PLEKHA2: variants seen among roughly 807,000 people sequenced by gnomAD.
The protein encoded by PLEKHA2 is pleckstrin homology domain-containing family A member 2.
In PLEKHA2, 28 loss-of-function variants were observed where a neutral mutation model predicts 53.2. The ratio of observed to expected loss-of-function variants is 0.53; its 90% CI spans 0.39 to 0.72. The LOEUF is 0.72. Among genes scored for constraint, PLEKHA2 ranks in the 30% least tolerant of loss-of-function variants. PLEKHA2 has a pLI of 0.00. For missense variants in PLEKHA2, 426 were observed against 537.9 expected, an observed-to-expected ratio of 0.79 and a Z score of 2.06; for synonymous variants, 193 against 196.4, an observed-to-expected ratio of 0.98 and a Z score of 0.14.
chr8:38,926,830 G>A (rs1441404917), intron 2 of PLEKHA2, among the ~76,000 whole-genome samples: 1 of 152,098 alleles, frequency 6.6e-6, no homozygotes, highest in African/African-American at 2.4e-5. Context: ...CAGGAGAATC[G>A]CTTGAACCCG....
chr8:38,966,552 T>G, intron 10 of PLEKHA2, among the ~76,000 whole-genome samples: 1 of 152,198 alleles, frequency 6.6e-6, no homozygotes, highest in East Asian at 1.9e-4. Flanking sequence ...TCTGTTCACT[T>G]GAACTCAACC....
At chr8:38,939,007 G>A (rs1588256410) in intron 3 of PLEKHA2, among the ~76,000 whole-genome samples, 1 of 151,782 alleles carries the variant, frequency 6.6e-6, no homozygotes, top group African/African-American at 2.4e-5. Context: ...GGGTTCAAGC[G>A]ATTGTTCTGC....
At chr8:38,924,555 T>G (rs1188179075) in intron 2 of PLEKHA2, among the ~76,000 whole-genome samples, 1 of 152,146 alleles carries the variant, frequency 6.6e-6, no homozygotes, top group African/African-American at 2.4e-5. Flanking sequence ...CAGCCTTGTC[T>G]CAGGGAGCTG....
chr8:38,901,802 G>GA (rs1833790198), intron 1 of PLEKHA2: 1 of 152,186 alleles, frequency 6.6e-6, no homozygotes, highest in Admixed American at 6.5e-5. Context: ...TTGCAGCAGC[G>GA]AAACTTCTCT....
chr8:38,955,088 G>A (rs867759599), intron 9 of PLEKHA2, among the ~76,000 whole-genome samples: 118 of 152,218 alleles, frequency 7.8e-4, no homozygotes, highest in African/African-American at 2.8e-3. Flanking sequence ...TCGTTTTGGG[G>A]GAACAGGTGG....
intron 10 of PLEKHA2, among the ~76,000 whole-genome samples, chr8:38,959,975 GT>G (rs1433707439): frequency 1.3e-5 from 2 of 152,212 alleles, no homozygotes; most frequent in East Asian, 3.8e-4. Flanking sequence ...TGCTTGGCAT[GT>G]TGCTGACACT....
At chr8:38,968,040 C>A (rs530381794) in intron 10 of PLEKHA2, among the ~76,000 whole-genome samples, 19 of 152,074 alleles carry the variant, frequency 1.2e-4, no homozygotes, top group Non-Finnish European at 2.2e-4. Flanking sequence ...CAAAGCGACC[C>A]AGTAGCTTGT....
intron 10 of PLEKHA2, among the ~76,000 whole-genome samples, chr8:38,967,711 G>A (rs1246600161): frequency 6.6e-6 from 1 of 151,376 alleles, no homozygotes; most frequent in Non-Finnish European, 1.5e-5. Context: ...ACCCAGACTG[G>A]AGTGCAGTGG....
chr8:38,928,600 G>C (rs1834331470), intron 2 of PLEKHA2, among the ~76,000 whole-genome samples: 1 of 152,116 alleles, frequency 6.6e-6, no homozygotes, highest in South Asian at 2.1e-4. Flanking sequence ...GAAATAAAGG[G>C]AATGGGGGTG....
At chr8:38,961,393 G>A (rs775464438) in intron 10 of PLEKHA2, among the ~76,000 whole-genome samples, 28 of 151,984 alleles carry the variant, frequency 1.8e-4, no homozygotes, top group Non-Finnish European at 3.5e-4. Flanking sequence ...AAAAATTAGC[G>A]GGGTGTGGTG....
intron 2 of PLEKHA2, among the ~76,000 whole-genome samples, chr8:38,919,941 C>T (rs1465484122): frequency 1.3e-5 from 2 of 152,082 alleles, no homozygotes; most frequent in African/African-American, 4.8e-5. Context: ...TCAGGCCCTG[C>T]GATATCATTT....
At chr8:38,948,055 C>T (rs924905508) in intron 5 of PLEKHA2, among the ~76,000 whole-genome samples, 7 of 148,430 alleles carry the variant, frequency 4.7e-5, no homozygotes, top group Non-Finnish European at 8.9e-5. Flanking sequence ...CACTGCACTC[C>T]AGCCTGGGCG....
At chr8:38,967,140 T>G (rs1459618277) in intron 10 of PLEKHA2, among the ~76,000 whole-genome samples, 1 of 152,192 alleles carries the variant, frequency 6.6e-6, no homozygotes, top group Non-Finnish European at 1.5e-5. Context: ...TATAGATGAG[T>G]AGTATTCCAT....
intron 1 of PLEKHA2, among the ~76,000 whole-genome samples, chr8:38,904,048 C>G (rs1254062887): frequency 6.6e-6 from 1 of 152,132 alleles, no homozygotes; most frequent in African/African-American, 2.4e-5. Flanking sequence ...GAGAAGAACC[C>G]TGGCCCTGCC....
intron 2 of PLEKHA2, among the ~76,000 whole-genome samples, chr8:38,925,877 A>C (rs1834279188): frequency 6.6e-6 from 1 of 152,278 alleles, no homozygotes; most frequent in Admixed American, 6.5e-5. Flanking sequence ...GCTGAAAGCC[A>C]GGAATAATTT....
Position 38,972,318 on chromosome 8 carries a change from C to G in PLEKHA2, c.*2535C>G, listed in dbSNP as rs531021917. 73 of 152,222 alleles carry G rather than the reference C, an allele frequency of 4.8e-4. No individual in the cohort carries two copies. The highest frequency in any genetic ancestry group is 1.7e-3 in the African/African-American group (72 of 41,512). 9.4% of individuals were successfully genotyped at this position (152,222 alleles called of 1,614,324 possible). A position where few individuals can be genotyped will look rare whatever the true frequency, so the allele number is the denominator to read the frequency against. Reference sequence around the variant, plus strand: ...CCTCCCATGTTAGCTTCCCAAGTAGCTAGGACTACAGGGTTGTGCTACCAC... The same window carrying G: ...CCTCCCATGTTAGCTTCCCAAGTAGGTAGGACTACAGGGTTGTGCTACCAC... On this transcript the variant is annotated 3_prime_UTR_variant, in exon 12 of 12. Coordinates refer to ENST00000617275, the MANE Select transcript of PLEKHA2 (RefSeq NM_021623.2).
intron 1 of PLEKHA2, among the ~76,000 whole-genome samples, chr8:38,909,510 T>C (rs1833925151): frequency 6.6e-6 from 1 of 152,186 alleles, no homozygotes; most frequent in Admixed American, 6.6e-5. Flanking sequence ...TTTCTCAGGG[T>C]CTGGGTCCCA....
chr8:38,902,482 A>G (rs1384445577), intron 1 of PLEKHA2, among the ~76,000 whole-genome samples: 1 of 152,178 alleles, frequency 6.6e-6, no homozygotes, highest in African/African-American at 2.4e-5. Flanking sequence ...TTCAGAGGAC[A>G]GTAAACGGCA....
intron 2 of PLEKHA2, among the ~76,000 whole-genome samples, chr8:38,934,395 G>A (rs1834453668): frequency 6.6e-6 from 1 of 151,896 alleles, no homozygotes; most frequent in African/African-American, 2.4e-5. Flanking sequence ...TCCTTTTATT[G>A]CTTTGAGAGG....
Sources: gnomAD v4.1 joint callset for allele counts (sites outside exome capture counted in the v4.1 genomes callset) on GRCh38, gnomAD v4.1.1 for gene constraint, MANE v1.5 for transcripts, NCBI Gene and HGNC (gene_info 2026-07-23, HGNC 2026-07-21) for gene names.